Variants in FBXO42 observed in about 807,000 individuals in gnomAD.
The protein encoded by FBXO42 is F-box protein 42.
A neutral mutation model predicts 71.7 loss-of-function variants in FBXO42; 12 were observed. That is an observed-to-expected ratio of 0.17 (90% confidence interval 0.11 to 0.27). The LOEUF (loss-of-function observed/expected upper bound fraction) is 0.27, where lower values mean the gene tolerates loss of function less well. Among genes scored for constraint, FBXO42 ranks in the 10% least tolerant of loss-of-function variants. The pLI, the probability that FBXO42 is intolerant of heterozygous loss-of-function variation, is 1.00. For missense variants in FBXO42, 707 were observed against 911.9 expected, an observed-to-expected ratio of 0.78 and a Z score of 2.89; for synonymous variants, 325 against 327.5, an observed-to-expected ratio of 0.99 and a Z score of 0.08.
chr1:16,319,426 T>C (rs1436055026), intron 1 of FBXO42, among the ~76,000 whole-genome samples: 2 of 152,214 alleles, frequency 1.3e-5, no homozygotes, highest in Non-Finnish European at 2.9e-5. Flanking sequence ...ATACTACAAA[T>C]GTTTCCTAGC....
intron 4 of FBXO42, among the ~76,000 whole-genome samples, chr1:16,281,087 C>T (rs939727049): frequency 5.3e-5 from 8 of 151,862 alleles, no homozygotes; most frequent in African/African-American, 1.9e-4. Flanking sequence ...CTCAGCCTCC[C>T]GAGTAGCTGG....
At chr1:16,337,176 A>C (rs1159954410) in intron 1 of FBXO42, among the ~76,000 whole-genome samples, 1 of 152,122 alleles carries the variant, frequency 6.6e-6, no homozygotes, top group Non-Finnish European at 1.5e-5. Flanking sequence ...TGCTTCTCAA[A>C]TTTTAATGTG....
chr1:16,346,460 G>T (rs368139127), intron 1 of FBXO42, among the ~76,000 whole-genome samples: 174 of 152,058 alleles, frequency 1.1e-3, no homozygotes, highest in African/African-American at 4.1e-3. Context: ...AGTCCGAGGC[G>T]GGCGGATCAT....
intron 7 of FBXO42, 144 bp from the exon 8 acceptor site, chr1:16,253,296 A>G (rs771555370): frequency 1.4e-5 from 9 of 660,406 alleles, no homozygotes; most frequent in Non-Finnish European, 2.3e-5. Context: ...TCCTAAAAAC[A>G]TATCAATTCT....
chr1:16,269,414 A>C, intron 4 of FBXO42, among the ~76,000 whole-genome samples: 1 of 141,180 alleles, frequency 7.1e-6, no homozygotes, highest in East Asian at 2.1e-4. Context: ...AGAGAGTATC[A>C]CTCTGTTCCC....
At chr1:16,294,282 G>A (rs2082107620) in intron 4 of FBXO42, 1 of 152,298 alleles carries the variant, frequency 6.6e-6, no homozygotes, top group South Asian at 2.1e-4. Context: ...TGGCATAGTG[G>A]GACTGGGTAG....
At chr1:16,311,500 AAAAAT>A (rs1282283967) in intron 2 of FBXO42, among the ~76,000 whole-genome samples, 4 of 67,598 alleles carry the variant, frequency 5.9e-5, no homozygotes, top group Non-Finnish European at 1.3e-4. Flanking sequence ...AAAAAAAAAA[AAAAAT>A]ATATATATAT....
In FBXO42 at chr1:16,264,640, C is replaced by G. The variant is rs1438032265; in HGVS notation, c.503-7881G>C. ...CCTCTTCCCCTAGAGCCAGGAGTCA[C>G]CCTCATGGGCTTCATTCCCCAAACA... On this transcript the variant is annotated intron_variant, in intron 4 of 9. Coordinates refer to ENST00000375592, the MANE Select transcript of FBXO42 (RefSeq NM_018994.3). Among the ~76,000 whole-genome samples the G allele has an allele frequency of 3.3e-5, 5 of 152,192 alleles. No individual in the cohort carries two copies. The East Asian group carries it at 9.6e-4, about 29-fold the overall frequency.
At chr1:16,272,697 A>C (rs2081859562) in intron 4 of FBXO42, among the ~76,000 whole-genome samples, 1 of 152,176 alleles carries the variant, frequency 6.6e-6, no homozygotes, top group South Asian at 2.1e-4. Context: ...CCTATCCCTG[A>C]GACCCAAGGT....
Position 16,250,888 on chromosome 1 carries a change from T to G in FBXO42, c.1936A>C (p.Met646Leu). The G allele has an allele frequency of 6.2e-7, 1 of 1,614,128 alleles. No individual in the cohort carries two copies. Among genetic ancestry groups the G allele is most frequent in the Non-Finnish European group, 8.5e-7 (1 of 1,180,028 alleles). The change falls in exon 10 of 10, where the codon ATG becomes CTG. Residue 646 changes from methionine (M) to leucine (L), a missense_variant. Coordinates refer to ENST00000375592, the MANE Select transcript of FBXO42 (RefSeq NM_018994.3). The surrounding 1 kb of genome is among the most constrained non-coding windows in gnomAD (Gnocchi z 4.7). ...YQSMNCKPMQ[M>L]YVLDIKDTKE... The stretch of plus-strand genomic sequence containing the variant: ...GTGTCTTTAATGTCCAGCACGTACA[T>G]CTGCATGGGCTTGCAGTTCATACTC...
At chr1:16,253,494 A>C in intron 7 of FBXO42, 141 bp downstream of exon 7, 2 of 697,512 alleles carry the variant, frequency 2.9e-6, no homozygotes, top group Non-Finnish European at 4.7e-6. Context: ...GAAGTTGAAA[A>C]ATAAATACCA....
chr1:16,301,955 T>C (rs572012906), intron 3 of FBXO42, among the ~76,000 whole-genome samples: 1 of 152,220 alleles, frequency 6.6e-6, no homozygotes, highest in South Asian at 2.1e-4. Flanking sequence ...CAAACAGAAT[T>C]TGTCATATCC....
chr1:16,257,261 G>A (rs1366236249), intron 4 of FBXO42, among the ~76,000 whole-genome samples: 1 of 152,160 alleles, frequency 6.6e-6, no homozygotes, highest in Admixed American at 6.5e-5. Flanking sequence ...ACAAAACACA[G>A]GTAAGAAAAG....
chr1:16,261,073 T>G (rs775484079), intron 4 of FBXO42, among the ~76,000 whole-genome samples: 1 of 152,236 alleles, frequency 6.6e-6, no homozygotes, highest in Non-Finnish European at 1.5e-5. Flanking sequence ...TCCTTCTGAA[T>G]AGTTGCCACA....
At chr1:16,347,119 T>G (rs2082660213) in intron 1 of FBXO42, among the ~76,000 whole-genome samples, 1 of 152,182 alleles carries the variant, frequency 6.6e-6, no homozygotes, top group Non-Finnish European at 1.5e-5. Context: ...TTATATAGTG[T>G]ACATATATAA....
intron 1 of FBXO42, among the ~76,000 whole-genome samples, chr1:16,333,415 C>T (rs2100613575): frequency 6.7e-6 from 1 of 148,592 alleles, no homozygotes; most frequent in Admixed American, 6.8e-5. Context: ...GAGTTCGAGA[C>T]CAGCCTGGGC....
chr1:16,271,257 T>TGGTG (rs2081841172), intron 4 of FBXO42, among the ~76,000 whole-genome samples: 1 of 88,340 alleles, frequency 1.1e-5, no homozygotes, highest in African/African-American at 4.3e-5. Flanking sequence ...GTGTGTGTGT[T>TGGTG]GGTGTGTGTG....
chr1:16,340,162 C>G (rs954485711), intron 1 of FBXO42, among the ~76,000 whole-genome samples: 1 of 149,472 alleles, frequency 6.7e-6, no homozygotes, highest in Admixed American at 6.7e-5. Flanking sequence ...GGCGACAGAG[C>G]AAGACTCCAG....
At chr1:16,260,286 G>A (rs2081697237) in intron 4 of FBXO42, among the ~76,000 whole-genome samples, 1 of 146,550 alleles carries the variant, frequency 6.8e-6, no homozygotes, top group African/African-American at 2.5e-5. Flanking sequence ...TCGGCTCACT[G>A]CAACCTCTGC....
Sources: allele counts gnomAD v4.1 joint callset (sites outside exome capture counted in the v4.1 genomes callset), GRCh38; gene constraint gnomAD v4.1.1; non-coding constraint Gnocchi (gnomAD v3.1); transcripts MANE v1.5; gene names NCBI Gene and HGNC (gene_info 2026-07-23, HGNC 2026-07-21).